ARHGAP15: variants seen among roughly 807,000 people sequenced by gnomAD.
ARHGAP15 encodes rho GTPase-activating protein 15.
In ARHGAP15, 51 loss-of-function variants were observed where a neutral mutation model predicts 63.7. The observed-to-expected ratio is 0.80, with a 90% CI of 0.64 to 1.01. The LOEUF (loss-of-function observed/expected upper bound fraction) is 1.01. Ranked by LOEUF, ARHGAP15 falls within the 50% of genes least tolerant of loss-of-function variation. ARHGAP15 has a pLI of 0.00. For synonymous variants in ARHGAP15, 191 were observed against 193.8 expected (o/e 0.99, Z 0.12); for missense variants, 560 against 564.6 (o/e 0.99, Z 0.08).
chr2:143,568,491 G>A (rs140180246), intron 11 of ARHGAP15, among the ~76,000 whole-genome samples: 1,669 of 152,212 alleles, frequency 0.011, 25 homozygotes, highest in African/African-American at 0.032. Context: ...TTAGAATGGC[G>A]ATCATTAAAA....
intron 12 of ARHGAP15, among the ~76,000 whole-genome samples, chr2:143,677,640 G>T (rs1682891407): frequency 6.6e-6 from 1 of 152,078 alleles, no homozygotes; most frequent in Non-Finnish European, 1.5e-5. Flanking sequence ...TGATTTGATT[G>T]GACTGGATGA....
intron 11 of ARHGAP15, among the ~76,000 whole-genome samples, chr2:143,580,702 G>GT (rs957625650): frequency 6.6e-6 from 1 of 151,614 alleles, no homozygotes; most frequent in Admixed American, 6.6e-5. Flanking sequence ...AAATATCCTA[G>GT]TTTTTTGTTT....
At chr2:143,362,189 C>A (rs1402620053) in intron 6 of ARHGAP15, among the ~76,000 whole-genome samples, 2 of 152,152 alleles carry the variant, frequency 1.3e-5, no homozygotes, top group Non-Finnish European at 2.9e-5. Context: ...TCCTATAATA[C>A]CCTGAATTAT....
At chr2:143,228,142 A>G (rs562430765) in intron 4 of ARHGAP15, 1 of 152,512 alleles carries the variant, frequency 6.6e-6, no homozygotes, top group East Asian at 1.9e-4. Flanking sequence ...GAATTAAGCA[A>G]TGACACATGA....
Position 143,435,228 on chromosome 2 carries a change from G to A in ARHGAP15, c.475-373G>A, listed in dbSNP as rs983532139. On this transcript the variant is annotated intron_variant, in intron 6 of 13. Coordinates refer to ENST00000295095, the MANE Select transcript of ARHGAP15 (RefSeq NM_018460.4). ...ATTTGAAAAAGACAGACAGGAAAGA[G>A]GCAAACGTGCAGAATGAATTCTGAC... 5.0e-6 allele frequency: 5 copies of A among 990,550 alleles called. No homozygotes were observed. In the African/African-American group the frequency reaches 8.7e-5, roughly 17 times the overall value. 61.4% of individuals were successfully genotyped at this position (990,550 alleles called of 1,614,324 possible).
intron 8 of ARHGAP15, among the ~76,000 whole-genome samples, chr2:143,470,526 TTATATA>T (rs57336698): frequency 6.7e-6 from 1 of 148,252 alleles, no homozygotes; most frequent in Admixed American, 6.8e-5. Context: ...TTCTTTTGTT[TTATATA>T]TATATATATA....
intron 5 of ARHGAP15, among the ~76,000 whole-genome samples, chr2:143,241,903 AATG>A (rs1354144608): frequency 5.9e-5 from 9 of 152,200 alleles, no homozygotes; most frequent in African/African-American, 1.9e-4. Context: ...TCCCCACTAC[AATG>A]AGCTTCAAAG....
chr2:143,745,899 G>A (rs1485522623), intron 13 of ARHGAP15, among the ~76,000 whole-genome samples: 1 of 152,212 alleles, frequency 6.6e-6, no homozygotes, highest in Non-Finnish European at 1.5e-5. Flanking sequence ...AGTAAGAAGC[G>A]AAGCCAGAAG....
rs1255339724 is a variant in ARHGAP15, at chr2:143,763,952, C to CTTGAATT, written c.1245-4036_1245-4035insTGAATTT. Among the ~76,000 whole-genome samples the CTTGAATT allele has an allele frequency of 2.0e-5, 3 of 151,110 alleles. No homozygotes were observed. The East Asian group carries it at 5.8e-4, about 29-fold the overall frequency. On this transcript the variant is annotated intron_variant, in intron 13 of 13. Transcript: ENST00000295095. Reference sequence around the variant, plus strand: ...ACTACAAGTAACTTGATTTTCCTAACTCAGGAAAAAAATTTCAAGCTGCTG... The same window carrying CTTGAATT: ...ACTACAAGTAACTTGATTTTCCTAACTTGAATTTCAGGAAAAAAATTTCAAGCTGCTG...
At chr2:143,403,604 A>G (rs976020316) in intron 6 of ARHGAP15, among the ~76,000 whole-genome samples, 1 of 151,916 alleles carries the variant, frequency 6.6e-6, no homozygotes, top group Non-Finnish European at 1.5e-5. Flanking sequence ...AAAATTGCAT[A>G]ATACATAATA....
intron 2 of ARHGAP15, among the ~76,000 whole-genome samples, chr2:143,160,565 T>C (rs1690251465): frequency 6.6e-6 from 1 of 151,996 alleles, no homozygotes; most frequent in Non-Finnish European, 1.5e-5. Context: ...CAGTGCTTTC[T>C]ATACAATATT....
chr2:143,672,684 G>GA (rs1431632971), intron 12 of ARHGAP15, among the ~76,000 whole-genome samples: 1 of 152,128 alleles, frequency 6.6e-6, no homozygotes, highest in Non-Finnish European at 1.5e-5. Context: ...ACTTGCCTTG[G>GA]AACCTTGTCA....
intron 6 of ARHGAP15, among the ~76,000 whole-genome samples, chr2:143,256,804 A>G (rs1210026378): frequency 3.3e-5 from 5 of 152,112 alleles, no homozygotes; most frequent in African/African-American, 1.2e-4. Context: ...TGTCAGGGGT[A>G]TATAAAGATT....
intron 1 of ARHGAP15, among the ~76,000 whole-genome samples, chr2:143,136,304 T>C (rs1189182715): frequency 1.3e-5 from 2 of 152,104 alleles, no homozygotes; most frequent in East Asian, 3.8e-4. Flanking sequence ...CTTTTTTTTT[T>C]CAGTCTAATA....
At chr2:143,299,777 A>G (rs1682813689) in intron 6 of ARHGAP15, among the ~76,000 whole-genome samples, 4 of 152,158 alleles carry the variant, frequency 2.6e-5, no homozygotes, top group South Asian at 2.1e-4. Flanking sequence ...TGTGTAAGTC[A>G]TAAGTGGTGA....
chr2:143,202,003 A>T (rs546988774), intron 2 of ARHGAP15, 131 bp from the exon 3 acceptor site: 5 of 750,476 alleles, frequency 6.7e-6, no homozygotes, highest in South Asian at 6.2e-5. Context: ...TGTCCAAAAC[A>T]TTTACTTCTC....
At chr2:143,748,440 G>A (rs961879702) in intron 13 of ARHGAP15, among the ~76,000 whole-genome samples, 1 of 152,162 alleles carries the variant, frequency 6.6e-6, no homozygotes, top group Non-Finnish European at 1.5e-5. Context: ...AATTTGCAAT[G>A]AAATTTTACT....
intron 12 of ARHGAP15, among the ~76,000 whole-genome samples, chr2:143,646,640 G>T (rs1055257865): frequency 1.3e-5 from 2 of 151,952 alleles, no homozygotes; most frequent in Non-Finnish European, 2.9e-5. Flanking sequence ...TGCCTTGACT[G>T]GGATTTATAT....
intron 6 of ARHGAP15, among the ~76,000 whole-genome samples, chr2:143,333,654 G>A (rs537367476): frequency 2.0e-5 from 3 of 152,198 alleles, no homozygotes; most frequent in South Asian, 2.1e-4. Flanking sequence ...GTGTTACTTC[G>A]GGGCTTCTAC....
Sources: allele counts gnomAD v4.1 joint callset (sites outside exome capture counted in the v4.1 genomes callset), GRCh38; gene constraint gnomAD v4.1.1; transcripts MANE v1.5; gene names NCBI Gene and HGNC (gene_info 2026-07-23, HGNC 2026-07-21).